The following OLFM1 variants were observed in gnomAD, a reference collection of about 807,000 sequenced individuals.
OLFM1 encodes the protein noelin.
OLFM1 carries 9 observed loss-of-function variants against 49.7 expected under a neutral mutation model. That is an observed-to-expected ratio of 0.18 (90% CI 0.11 to 0.32). OLFM1 has a LOEUF of 0.32. Among genes scored for constraint, OLFM1 ranks in the 10% least tolerant of loss-of-function variants. The pLI, the probability that OLFM1 is intolerant of heterozygous loss-of-function variation, is 1.00. For synonymous variants in OLFM1, 240 were observed against 271.8 expected (o/e 0.88, Z 1.15); for missense variants, 369 against 661.8 (o/e 0.56, Z 4.85).
At chr9:135,096,864 G>C (rs1033608869) in intron 3 of OLFM1, among the ~76,000 whole-genome samples, 31 of 152,202 alleles carry the variant, frequency 2.0e-4, no homozygotes, top group African/African-American at 7.2e-4. Context: ...GAAGTGTTCT[G>C]CTTCTCCGGG....
upstream of OLFM1, chr9:135,087,250 T>C: frequency 6.9e-7 from 1 of 1,445,258 alleles, no homozygotes; most frequent in Non-Finnish European, 9.1e-7. Context: ...CCAGGCTGGC[T>C]GGGACCCTCG....
upstream of OLFM1, among the ~76,000 whole-genome samples, chr9:135,084,082 G>C (rs963804267): frequency 1.3e-5 from 2 of 152,342 alleles, no homozygotes; most frequent in African/African-American, 2.4e-5. The surrounding 1 kb of genome is among the most constrained non-coding windows in gnomAD (Gnocchi z 4.6). Context: ...GGAACACTTG[G>C]CTCAGAAGAC....
At chr9:135,081,556 G>A (rs72778145) in intron 1 of OLFM1, among the ~76,000 whole-genome samples, 16,470 of 152,184 alleles carry the variant, frequency 0.11, 1,026 homozygotes, top group South Asian at 0.18. Flanking sequence ...CCTTGGAAAC[G>A]GGGATGCATC....
Position 135,088,107 on chromosome 9 carries a change from G to A in OLFM1, c.118G>A (p.Ala40Thr). The change falls in exon 1 of 6, where the codon GCC (alanine) becomes ACC (threonine). Residue 40 changes from alanine (A) to threonine (T), a missense_variant. Physicochemically the swap from Ala to Thr is moderately conservative, Grantham distance 58. Transcript: ENST00000371793. This position sits in a 1 kb window ranked among gnomAD's most constrained non-coding sequence, Gnocchi z 4.8. ...CCTCAACACCACCAAGCTCTCGGCGGCCGGCGGCGGGACGCTGGACCGCAG... is the reference window on the plus strand; with the variant it reads ...CCTCAACACCACCAAGCTCTCGGCGACCGGCGGCGGGACGCTGGACCGCAG... Reference protein sequence around the residue: ...VGLNTTKLSAAGGGTLDRSTG... With the variant: ...VGLNTTKLSATGGGTLDRSTG... 1 of 1,412,500 alleles carries A rather than the reference G, an allele frequency of 7.1e-7. No individual in the cohort carries two copies. The highest frequency in any genetic ancestry group is 9.4e-7 in the Non-Finnish European group (1 of 1,066,978). 87.5% of individuals were successfully genotyped at this position (1,412,500 alleles called of 1,614,324 possible).
At chr9:135,116,307 A>G (rs1383080382) in intron 5 of OLFM1, among the ~76,000 whole-genome samples, 2 of 152,106 alleles carry the variant, frequency 1.3e-5, no homozygotes, top group Non-Finnish European at 2.9e-5. Context: ...GAAACTGGCA[A>G]ACGCTCAGAG....
In OLFM1 at chr9:135,080,770, C is replaced by G; in HGVS notation, c.96+4968C>G. Reference sequence around the variant, plus strand: ...AACTGAATTAGATACATGGCAACCACGAGCTAGGCTGACAGGGCGAGCAGC... The same window carrying G: ...AACTGAATTAGATACATGGCAACCAGGAGCTAGGCTGACAGGGCGAGCAGC... On this transcript the variant is annotated intron_variant, in intron 1 of 5. Coordinates refer to the OLFM1 transcript ENST00000252854. This position sits in a 1 kb window ranked among gnomAD's most constrained non-coding sequence, Gnocchi z 4.5. 6.6e-6 allele frequency among the ~76,000 whole-genome samples: 1 copy of G among 152,146 alleles called. No homozygotes were observed. The highest frequency in any genetic ancestry group is 1.9e-4 in the East Asian group (1 of 5,196).
rs558445491 is a variant in OLFM1 at position 135,079,964 on chromosome 9, T to C, written c.96+4162T>C. On this transcript the variant is annotated intron_variant, in intron 1 of 5. Coordinates refer to the OLFM1 transcript ENST00000252854. Reference sequence around the variant, plus strand: ...CTGTTTGCCAGTCTAGGTGCCTGCATTGAGAAGTGGGCAGACCCGGGACTG... The same window carrying C: ...CTGTTTGCCAGTCTAGGTGCCTGCACTGAGAAGTGGGCAGACCCGGGACTG... Among the ~76,000 whole-genome samples, 18 of 152,040 alleles carry C rather than the reference T, an allele frequency of 1.2e-4. No homozygotes were observed. The East Asian group carries it at 3.3e-3, about 28-fold the overall frequency.
chr9:135,120,251 A>G lies in OLFM1; in HGVS notation c.*73A>G, dbSNP rs1430492277. The G allele has an allele frequency of 3.1e-6, 4 of 1,298,128 alleles. No individual in the cohort carries two copies. The highest frequency in any genetic ancestry group is 2.8e-5 in the South Asian group (2 of 70,392). The allele number at this position is 1,298,128 out of a possible 1,614,324, so 80.4% of individuals were successfully genotyped here. On this transcript the variant is annotated 3_prime_UTR_variant, in exon 6 of 6. Transcript: ENST00000371793. The stretch of plus-strand genomic sequence containing the variant: ...CTCCTGTGAAACTGCTGCCAAAAAG[A>G]TACCAATAACACTAACAATACCGAT...
intron 4 of OLFM1, among the ~76,000 whole-genome samples, chr9:135,101,515 C>T (rs894932163): frequency 4.6e-5 from 7 of 152,208 alleles, no homozygotes; most frequent in African/African-American, 1.7e-4. Flanking sequence ...TCTGAAGATC[C>T]CTCTTTTGAT....
chr9:135,084,381 CCT>C (rs918628270), upstream of OLFM1, among the ~76,000 whole-genome samples: 2 of 147,892 alleles, frequency 1.4e-5, no homozygotes, highest in Non-Finnish European at 3.0e-5. This position sits in a 1 kb window ranked among gnomAD's most constrained non-coding sequence, Gnocchi z 4.6. Flanking sequence ...TTCTCTCTCT[CCT>C]CTCTGTCTCT....
chr9:135,101,006 G>A (rs1027483156), intron 4 of OLFM1, among the ~76,000 whole-genome samples: 2 of 152,116 alleles, frequency 1.3e-5, no homozygotes, highest in Non-Finnish European at 2.9e-5. Context: ...CTCTTCCCAG[G>A]CTTTCATTCA....
At chr9:135,092,742 C>T (rs981200137) in intron 2 of OLFM1, among the ~76,000 whole-genome samples, 94 of 152,160 alleles carry the variant, frequency 6.2e-4, no homozygotes, top group African/African-American at 2.1e-3. Flanking sequence ...CCTGCCTGTG[C>T]GTGCCACAGC....
chr9:135,108,141 G>A (rs1241286943), intron 5 of OLFM1, among the ~76,000 whole-genome samples: 1 of 152,180 alleles, frequency 6.6e-6, no homozygotes, highest in Non-Finnish European at 1.5e-5. Context: ...AGGTTTTTCT[G>A]TCCTGTTTTC....
At chr9:135,077,243 G>A (rs1830480388) in intron 1 of OLFM1, 8 of 1,486,240 alleles carry the variant, frequency 5.4e-6, no homozygotes, top group African/African-American at 1.4e-5. Context: ...GCCCCACAAA[G>A]GGCTATGCCT....
chr9:135,092,631 G>T (rs1231157375), intron 2 of OLFM1, among the ~76,000 whole-genome samples: 1 of 152,166 alleles, frequency 6.6e-6, no homozygotes, highest in African/African-American at 2.4e-5. Context: ...ACAGAGCCCT[G>T]AGCCCAGGGA....
upstream of OLFM1, among the ~76,000 whole-genome samples, chr9:135,084,016 G>A (rs985757236): frequency 3.3e-5 from 5 of 152,220 alleles, no homozygotes; most frequent in African/African-American, 9.7e-5. This position sits in a 1 kb window ranked among gnomAD's most constrained non-coding sequence, Gnocchi z 4.6. Context: ...GGGGTGAGGA[G>A]CAGTTACGCC....
intron 2 of OLFM1, among the ~76,000 whole-genome samples, chr9:135,092,599 C>T (rs766319356): frequency 5.5e-4 from 83 of 152,148 alleles, no homozygotes; most frequent in African/African-American, 1.6e-3. Flanking sequence ...CTGTGGGGGC[C>T]GGCGAGAGTC....
At chr9:135,096,632 C>T (rs576576255) in intron 3 of OLFM1, among the ~76,000 whole-genome samples, 36 of 152,292 alleles carry the variant, frequency 2.4e-4, no homozygotes, top group Middle Eastern at 3.4e-3. Flanking sequence ...CGAGCCAAGT[C>T]GAATATTAGC....
At chr9:135,108,803 G>T (rs1830982628) in intron 5 of OLFM1, among the ~76,000 whole-genome samples, 2 of 152,134 alleles carry the variant, frequency 1.3e-5, no homozygotes, top group Admixed American at 1.3e-4. Flanking sequence ...CTGCGTCGGG[G>T]TCATTGGCAT....
Sources: gnomAD v4.1 joint callset for allele counts (sites outside exome capture counted in the v4.1 genomes callset) on GRCh38, gnomAD v4.1.1 for gene constraint, Gnocchi (gnomAD v3.1) non-coding constraint, MANE v1.5 for transcripts, NCBI Gene and HGNC (gene_info 2026-07-23, HGNC 2026-07-21) for gene names.